CBL: variants seen among roughly 807,000 people sequenced by gnomAD.
CBL encodes Cbl proto-oncogene.
Under a neutral mutation model 96.9 loss-of-function variants are expected in CBL, and 45 were observed. The observed-to-expected ratio is 0.46, with a 90% CI of 0.37 to 0.60. The LOEUF is 0.60. CBL is among the 20% of genes least tolerant of loss of function. The probability of loss-of-function intolerance (pLI) is 0.00; values close to 1 mark genes in which losing one functional copy is unlikely to be tolerated. For synonymous variants in CBL, 420 were observed against 426.8 expected (o/e 0.98, Z 0.20); for missense variants, 1,024 against 1,143.5 (o/e 0.90, Z 1.51).
chr11:119,257,093 G>A lies in CBL; in HGVS notation c.444-14642G>A, dbSNP rs144288163. On this transcript the variant is annotated intron_variant, in intron 2 of 15. Coordinates refer to ENST00000264033, the MANE Select transcript of CBL (RefSeq NM_005188.4). The stretch of plus-strand genomic sequence containing the variant: ...TTCCTTTAGGTAGATACCCAGTGGT[G>A]GGCTTGCTGGATTGAATTGGCAGAC... Among the ~76,000 whole-genome samples the A allele has an allele frequency of 1.2e-4, 18 of 152,308 alleles. No homozygotes were observed. The East Asian group carries it at 2.7e-3, about 23-fold the overall frequency.
At chr11:119,288,480 G>C (rs1950001674) in intron 12 of CBL, among the ~76,000 whole-genome samples, 1 of 80,036 alleles carries the variant, frequency 1.2e-5, no homozygotes, top group African/African-American at 4.0e-5. Context: ...CACAGACAGA[G>C]AGAGAGAGAG....
chr11:119,292,385 T>C lies in CBL; in HGVS notation c.2036+4439T>C, dbSNP rs892378979. Among the ~76,000 whole-genome samples, 4 of 151,812 alleles carry C rather than the reference T, an allele frequency of 2.6e-5. No individual in the cohort carries two copies. The East Asian group carries it at 5.8e-4, about 22-fold the overall frequency. ...CTTATGCTGATGTCTTTTTTTTTTT[T>C]TCCATTATTTTTTTCTTGGCATACT... On this transcript the variant is annotated intron_variant, in intron 12 of 15. Coordinates refer to ENST00000264033, the MANE Select transcript of CBL (RefSeq NM_005188.4).
In CBL at chr11:119,299,592, T is replaced by C; in HGVS notation, c.2532T>C (p.Ser844=). The change falls in exon 16 of 16, where the codon AGT becomes AGC. Residue 844 remains serine, a synonymous_variant. Coordinates refer to ENST00000264033, the MANE Select transcript of CBL (RefSeq NM_005188.4). ...AAGCTGGCAGCTGTCAGCAAGGTAG[T>C]GGTCCTGCCGCCTCTGCTGCCACCG... The part of the protein sequence containing the change: ...ERKAGSCQQG[S]GPAASAATAS... The C allele has an allele frequency of 1.2e-6, 2 of 1,614,206 alleles. No homozygotes were observed. The highest frequency in any genetic ancestry group is 1.7e-6 in the Non-Finnish European group (2 of 1,180,040).
At position 119,271,828 on chromosome 11, in the gene CBL, T is replaced by C; in HGVS notation, c.537T>C (p.Phe179=). 1.2e-6 allele frequency: 2 copies of C among 1,614,098 alleles called. No individual in the cohort carries two copies. The highest frequency in any genetic ancestry group is 8.5e-7 in the Non-Finnish European group (1 of 1,179,956). ...FPSGLFQGDT[F]RITKADAAEF... ...GTGGACTCTTTCAGGGAGACACATT[T>C]CGGATTACTAAAGCAGATGCTGCGG... The change falls in exon 3 of 16, where the codon TTT becomes TTC. Residue 179 remains phenylalanine (F), a synonymous_variant. Transcript: ENST00000264033.
intron 12 of CBL, among the ~76,000 whole-genome samples, chr11:119,294,796 G>A (rs73003095): frequency 1.6e-4 from 23 of 144,114 alleles, no homozygotes; most frequent in East Asian, 2.0e-4. Flanking sequence ...TCTCAAAAAG[G>A]AAAAAAAAAA....
chr11:119,277,597 T>G (rs1949899490), intron 6 of CBL, among the ~76,000 whole-genome samples, 160 bp from the exon 7 acceptor site: 1 of 152,130 alleles, frequency 6.6e-6, no homozygotes, highest in Non-Finnish European at 1.5e-5. Context: ...TTTTGAAGTA[T>G]TATTTTTTGG....
chr11:119,234,661 A>G (rs557017843), intron 2 of CBL, among the ~76,000 whole-genome samples: 2 of 152,340 alleles, frequency 1.3e-5, no homozygotes, highest in East Asian at 3.9e-4. Flanking sequence ...AGCCGGGCAC[A>G]GTGACATGCA....
chr11:119,303,406 C>T lies in CBL; in HGVS notation c.*3625C>T, dbSNP rs1026470535. ...ATGTTTATGAGTGATGACCATGTGC[C>T]AGAAATGTCAGGTATGTGTCCTTCC... On this transcript the variant is annotated 3_prime_UTR_variant, in exon 16 of 16. Coordinates refer to ENST00000264033, the MANE Select transcript of CBL (RefSeq NM_005188.4). 8.6e-6 allele frequency: 2 copies of T among 233,526 alleles called. No individual in the cohort carries two copies. The highest frequency in any genetic ancestry group is 1.7e-5 in the Non-Finnish European group (2 of 117,982). The allele number at this position is 233,526 out of a possible 1,614,324, so 14.5% of individuals were successfully genotyped here.
intron 2 of CBL, among the ~76,000 whole-genome samples, chr11:119,256,900 A>G (rs1565866446): frequency 1.3e-5 from 2 of 151,964 alleles, no homozygotes; most frequent in African/African-American, 2.4e-5. Context: ...ACATTATTTC[A>G]TTTTTTTCTA....
chr11:119,257,695 T>A (rs1028523326), intron 2 of CBL, among the ~76,000 whole-genome samples: 1 of 152,208 alleles, frequency 6.6e-6, no homozygotes, highest in Non-Finnish European at 1.5e-5. Flanking sequence ...TAGATTTAAG[T>A]CTTTAATACA....
At chr11:119,268,816 T>C (rs1359459435) in intron 2 of CBL, among the ~76,000 whole-genome samples, 2 of 152,220 alleles carry the variant, frequency 1.3e-5, no homozygotes, top group Admixed American at 1.3e-4. Flanking sequence ...AGAAGTAGAA[T>C]TCAAACCTGT....
intron 4 of CBL, 79 bp from the exon 5 acceptor site, chr11:119,274,753 G>GTTT: frequency 1.4e-5 from 15 of 1,081,464 alleles, no homozygotes; most frequent in South Asian, 4.4e-5. Context: ...AGTTGGTGTT[G>GTTT]TTTTTTTTTT....
intron 12 of CBL, among the ~76,000 whole-genome samples, chr11:119,290,638 C>G (rs1189149247): frequency 6.9e-6 from 1 of 144,346 alleles, no homozygotes; most frequent in African/African-American, 2.6e-5. Flanking sequence ...AAAAGAGATA[C>G]TTTCACTGAA....
At chr11:119,249,203 A>G (rs1949653212) in intron 2 of CBL, among the ~76,000 whole-genome samples, 1 of 152,232 alleles carries the variant, frequency 6.6e-6, no homozygotes, top group Non-Finnish European at 1.5e-5. Flanking sequence ...TGTTCAGCAG[A>G]TGAGTGGGTG....
At chr11:119,237,056 C>T (rs918140795) in intron 2 of CBL, among the ~76,000 whole-genome samples, 4 of 152,104 alleles carry the variant, frequency 2.6e-5, no homozygotes, top group Non-Finnish European at 5.9e-5. Flanking sequence ...GCAAAGCATC[C>T]CTTTGTACAG....
In CBL at chr11:119,303,204, T is replaced by C. The variant is rs1229415349; in HGVS notation, c.*3423T>C. ...TTTTGTAGGTGTTCAGCAATGGTGATAAAGCAGAATATTCTCCTACCTCAC... is the reference window on the plus strand; with the variant it reads ...TTTTGTAGGTGTTCAGCAATGGTGACAAAGCAGAATATTCTCCTACCTCAC... On this transcript the variant is annotated 3_prime_UTR_variant, in exon 16 of 16. Coordinates refer to ENST00000264033, the MANE Select transcript of CBL (RefSeq NM_005188.4). 1 of 231,664 alleles carries C rather than the reference T, an allele frequency of 4.3e-6. No individual in the cohort carries two copies. The highest frequency in any genetic ancestry group is 5.6e-5 in the Admixed American group (1 of 17,726). 14.4% of individuals were successfully genotyped at this position (231,664 alleles called of 1,614,324 possible).
rs1342206980 is a variant in CBL at position 119,232,597 on chromosome 11, T to C, written c.345T>C (p.Phe115=). Residue 115 remains phenylalanine, a synonymous_variant, in exon 2 of 16, where the codon TTT becomes TTC. Transcript: ENST00000264033. The part of the protein sequence containing the change: ...KMETLGENEY[F]RVFMENLMKK... ...AGACACTTGGAGAAAATGAGTATTT[T>C]AGGGTGTTTATGGAGAATTTGATGA... 1.2e-5 allele frequency: 20 copies of C among 1,614,100 alleles called. No homozygotes were observed. Among genetic ancestry groups the C allele is most frequent in the Non-Finnish European group, 1.7e-5 (20 of 1,179,968 alleles).
At chr11:119,278,375 C>G (rs929707353) in intron 8 of CBL, 78 bp downstream of exon 8, 5 of 1,565,034 alleles carry the variant, frequency 3.2e-6, no homozygotes, top group African/African-American at 2.7e-5. Context: ...TTTACTGATA[C>G]AAGGGGTGGC....
chr11:119,232,052 T>C (rs1002616405), intron 1 of CBL, among the ~76,000 whole-genome samples: 2 of 151,998 alleles, frequency 1.3e-5, no homozygotes, highest in Admixed American at 6.6e-5. Context: ...CACTGAGTCG[T>C]GGTTGCTCCA....
Sources: gnomAD v4.1 joint callset for allele counts (sites outside exome capture counted in the v4.1 genomes callset) on GRCh38, gnomAD v4.1.1 for gene constraint, MANE v1.5 for transcripts, NCBI Gene and HGNC (gene_info 2026-07-23, HGNC 2026-07-21) for gene names.